Variants in KAZN observed in about 807,000 individuals in gnomAD.
The protein encoded by KAZN is kazrin.
In KAZN, 40 loss-of-function variants were observed where a neutral mutation model predicts 87.4. The ratio of observed to expected loss-of-function variants is 0.46; its 90% CI spans 0.36 to 0.60. The LOEUF (loss-of-function observed/expected upper bound fraction) is 0.60. Ranked by LOEUF, KAZN falls within the 20% of genes least tolerant of loss-of-function variation. The pLI, the probability that KAZN is intolerant of heterozygous loss-of-function variation, is 0.00. For missense variants in KAZN, 898 were observed against 1,073.9 expected (o/e 0.84, Z 2.29); for synonymous variants, 466 against 458.3 (o/e 1.02, Z -0.22).
At chr1:14,347,116 C>T (rs373616855) in intron 2 of KAZN, among the ~76,000 whole-genome samples, 32 of 152,176 alleles carry the variant, frequency 2.1e-4, no homozygotes, top group Non-Finnish European at 3.5e-4. Flanking sequence ...CACCCTTCCA[C>T]GGGTGACACC....
At chr1:14,467,583 A>C (rs1221596026) in intron 2 of KAZN, among the ~76,000 whole-genome samples, 2 of 151,116 alleles carry the variant, frequency 1.3e-5, no homozygotes, top group Non-Finnish European at 2.9e-5. Context: ...ACATTCTACA[A>C]GTGACAAACT....
chr1:14,802,641 C>T (rs867369103), intron 1 of KAZN, among the ~76,000 whole-genome samples: 2 of 152,320 alleles, frequency 1.3e-5, no homozygotes, highest in Middle Eastern at 3.4e-3. Flanking sequence ...TCCTGTGCTT[C>T]CACGATCAGG....
intron 2 of KAZN, among the ~76,000 whole-genome samples, chr1:14,358,615 T>C (rs1041775697): frequency 6.6e-6 from 1 of 152,218 alleles, no homozygotes; most frequent in African/African-American, 2.4e-5. Context: ...GAGATTCTGG[T>C]ACATTGTGTC....
intron 2 of KAZN, among the ~76,000 whole-genome samples, chr1:14,185,527 A>G (rs1413019129): frequency 6.6e-6 from 1 of 152,164 alleles, no homozygotes; most frequent in Non-Finnish European, 1.5e-5. Flanking sequence ...AGCAATGCTT[A>G]TTTTCCATTC....
At chr1:14,924,274 G>C in intron 1 of KAZN, 3 of 982,692 alleles carry the variant, frequency 3.1e-6, no homozygotes, top group Non-Finnish European at 3.6e-6. Context: ...GCTGCGCCCC[G>C]ATGCGGCGGC....
At chr1:14,319,061 TA>T (rs1303980232) in intron 2 of KAZN, among the ~76,000 whole-genome samples, 8 of 148,240 alleles carry the variant, frequency 5.4e-5, no homozygotes, top group African/African-American at 1.8e-4. Flanking sequence ...TTTATTTATT[TA>T]TTTTTCTGGT....
chr1:14,925,327 G>A (rs1659055630), intron 1 of KAZN, among the ~76,000 whole-genome samples: 1 of 152,178 alleles, frequency 6.6e-6, no homozygotes, highest in Non-Finnish European at 1.5e-5. Flanking sequence ...CTTAGAAGAC[G>A]AAGGGCTTTT....
At chr1:15,020,844 C>T (rs1289245111) in intron 2 of KAZN, among the ~76,000 whole-genome samples, 1 of 152,144 alleles carries the variant, frequency 6.6e-6, no homozygotes, top group Non-Finnish European at 1.5e-5. Context: ...GTGACTTGCC[C>T]CAGGTCCCCC....
chr1:13,962,475 G>A (rs1469067724), intron 1 of KAZN, among the ~76,000 whole-genome samples: 1 of 152,144 alleles, frequency 6.6e-6, no homozygotes, highest in Non-Finnish European at 1.5e-5. Flanking sequence ...GCTCTCTGGG[G>A]CCAGGCATCC....
At chr1:14,635,739 G>A (rs576932179) in intron 1 of KAZN, among the ~76,000 whole-genome samples, 3 of 152,204 alleles carry the variant, frequency 2.0e-5, no homozygotes, top group Admixed American at 2.0e-4. Flanking sequence ...CTAGACCAGT[G>A]GTTCTCAACT....
At chr1:14,509,629 C>T (rs997604401) in intron 2 of KAZN, among the ~76,000 whole-genome samples, 8 of 152,154 alleles carry the variant, frequency 5.3e-5, no homozygotes, top group East Asian at 1.9e-4. Flanking sequence ...CAAATGATTC[C>T]GTGAGCTTGC....
At chr1:14,117,979 C>T (rs982214633) in intron 1 of KAZN, among the ~76,000 whole-genome samples, 3 of 152,140 alleles carry the variant, frequency 2.0e-5, no homozygotes, top group Admixed American at 6.5e-5. Flanking sequence ...CATGTGAGCT[C>T]AGCTGCAGTT....
At chr1:14,073,901 T>C (rs1314809505) in intron 1 of KAZN, among the ~76,000 whole-genome samples, 1 of 152,188 alleles carries the variant, frequency 6.6e-6, no homozygotes, top group African/African-American at 2.4e-5. Flanking sequence ...TTAAAATCCT[T>C]TGGGTATATA....
rs60220668 is a variant in KAZN, at chr1:14,538,898, T to C, written c.250-60085T>C. ...TCACAGGGACTCTTTCTACATGGAA[T>C]GGGGTCCTGGGTGCCCCTTGCTGGC... On this transcript the variant is annotated intron_variant, in intron 2 of 16. Coordinates refer to the KAZN transcript ENST00000636203. Among the ~76,000 whole-genome samples, 68 of 152,306 alleles carry C rather than the reference T, an allele frequency of 4.5e-4. No individual in the cohort carries two copies. In the East Asian group the frequency reaches 0.013, roughly 29 times the overall value.
chr1:13,943,740 A>T (rs942605277), intron 1 of KAZN, among the ~76,000 whole-genome samples: 3 of 152,016 alleles, frequency 2.0e-5, no homozygotes, highest in Admixed American at 6.5e-5. Flanking sequence ...AATAAAAAAG[A>T]AGCCTATATG....
At chr1:14,991,869 T>C (rs542533910) in intron 2 of KAZN, among the ~76,000 whole-genome samples, 2 of 152,322 alleles carry the variant, frequency 1.3e-5, no homozygotes, top group East Asian at 1.9e-4. Context: ...AGACAGAACA[T>C]GAGAGGTTCT....
intron 2 of KAZN, among the ~76,000 whole-genome samples, chr1:14,365,346 C>T (rs1659889903): frequency 7.3e-6 from 1 of 136,610 alleles, no homozygotes; most frequent in Admixed American, 7.9e-5. Context: ...CGCGCCCCGG[C>T]GCCCACCCCC....
rs79608421 is a variant in KAZN at position 15,077,161 on chromosome 1, AT to A, written c.1222+11417del. ...CCCAAGTCTTTCATATTGACAACTAATTTTTTTTTAATTTAGTGTCCATTGG... is the reference window on the plus strand; with the variant it reads ...CCCAAGTCTTTCATATTGACAACTAATTTTTTTTAATTTAGTGTCCATTGG... On this transcript the variant is annotated intron_variant, in intron 8 of 14. Transcript: ENST00000376030. This position sits in a 1 kb window ranked among gnomAD's most constrained non-coding sequence, Gnocchi z 4.8. Among the ~76,000 whole-genome samples the A allele has an allele frequency of 0.1, 15,808 of 151,838 alleles. 1,397 individuals are homozygous for A. The highest frequency in any genetic ancestry group is 0.5 in the East Asian group (2,569 of 5,134).
At chr1:14,641,007 A>G (rs10803293) in intron 1 of KAZN, among the ~76,000 whole-genome samples, 27,407 of 152,160 alleles carry the variant, frequency 0.18, 2,667 homozygotes, top group South Asian at 0.29. Context: ...GACTGCTGGT[A>G]ACCATGAATG....
Sources: allele counts gnomAD v4.1 joint callset (sites outside exome capture counted in the v4.1 genomes callset), GRCh38; gene constraint gnomAD v4.1.1; non-coding constraint Gnocchi (gnomAD v3.1); transcripts MANE v1.5; gene names NCBI Gene and HGNC (gene_info 2026-07-23, HGNC 2026-07-21).